LPA: variants seen among roughly 807,000 people sequenced by gnomAD.
LPA encodes lipoprotein(a).
LPA carries 199 observed loss-of-function variants against 197.9 expected under a neutral mutation model. That is an observed-to-expected ratio of 1.01 (90% CI 0.90 to 1.13). The LOEUF is 1.13. Among genes scored for constraint, LPA ranks in the 50% most tolerant of loss-of-function variants. The probability of loss-of-function intolerance (pLI) is 0.00; values close to 1 mark genes in which losing one functional copy is unlikely to be tolerated. For missense variants in LPA, 1,853 were observed against 1,785.8 expected (o/e 1.04, Z -0.68); for synonymous variants, 715 against 639.5 (o/e 1.12, Z -1.78).
intron 30 of LPA, among the ~76,000 whole-genome samples, chr6:160,553,954 T>TGTGTGTGTGTGTGTGTGCGCGC (rs771903485): frequency 6.9e-4 from 90 of 130,798 alleles, no homozygotes; most frequent in Non-Finnish European, 1.1e-3. Flanking sequence ...TGTGTGTGTG[T>TGTGTGTGTGTGTGTGTGCGCGC]GCGCGCGCGC....
chr6:160,576,396 A>ATATATATATATATATATATGTG (rs1778675621), intron 28 of LPA, among the ~76,000 whole-genome samples: 1 of 46,944 alleles, frequency 2.1e-5, no homozygotes, highest in Non-Finnish European at 3.5e-5. Context: ...ATATGTATAT[A>ATATATATATATATATATATGTG]TATATATATA....
chr6:160,591,126 T>C (rs1323920635), intron 22 of LPA, 25 bp from the exon 23 acceptor site: 5 of 1,612,596 alleles, frequency 3.1e-6, no homozygotes, highest in Non-Finnish European at 4.2e-6. Context: ...ACAATACAGT[T>C]CACCAGAGAT....
At chr6:160,581,190 A>C (rs1778788890) in intron 26 of LPA, among the ~76,000 whole-genome samples, 1 of 152,168 alleles carries the variant, frequency 6.6e-6, no homozygotes, top group African/African-American at 2.4e-5. Flanking sequence ...TTCCTCATTA[A>C]ATTGCTTTGC....
chr6:160,551,210 T>C (rs1778161826), intron 30 of LPA, among the ~76,000 whole-genome samples: 1 of 152,232 alleles, frequency 6.6e-6, no homozygotes, highest in Admixed American at 6.5e-5. Context: ...TCAGTTACTG[T>C]GGTGTCTTCT....
chr6:160,589,412 A>C, intron 24 of LPA, 141 bp downstream of exon 24: 2 of 1,003,130 alleles, frequency 2.0e-6, no homozygotes, highest in Non-Finnish European at 3.1e-6. Flanking sequence ...CCTGTGCCCA[A>C]AGCAAGAAGC....
At chr6:160,601,663 C>T (rs552500004) in intron 18 of LPA, among the ~76,000 whole-genome samples, 1 of 152,334 alleles carries the variant, frequency 6.6e-6, no homozygotes, top group Admixed American at 6.5e-5. Context: ...CATGTAAAAC[C>T]ATTGCACAAA....
At chr6:160,604,938 G>A in intron 18 of LPA, 108 bp downstream of exon 18, 2 of 1,521,900 alleles carry the variant, frequency 1.3e-6, no homozygotes, top group East Asian at 2.3e-5. Context: ...GCTATGCACT[G>A]TTCATCTGAG....
chr6:160,559,781 C>T (rs939976652), intron 28 of LPA, among the ~76,000 whole-genome samples: 13 of 152,068 alleles, frequency 8.5e-5, no homozygotes, highest in Admixed American at 8.5e-4. Flanking sequence ...CTTATTCATT[C>T]TGCAGTTCTG....
chr6:160,545,687 T>G (rs1778057720), intron 32 of LPA, among the ~76,000 whole-genome samples, 154 bp from the exon 33 acceptor site: 1 of 152,154 alleles, frequency 6.6e-6, no homozygotes, highest in Non-Finnish European at 1.5e-5. Flanking sequence ...ACAAAGTTAT[T>G]TCTTTCTATG....
chr6:160,602,053 G>T (rs1779251471), intron 18 of LPA, among the ~76,000 whole-genome samples: 1 of 152,160 alleles, frequency 6.6e-6, no homozygotes, highest in South Asian at 2.1e-4. Context: ...TTCGTGACCT[G>T]TGGCTGCCTG....
Position 160,556,094 on chromosome 6 carries a change from C to T in LPA, c.4904G>A (p.Arg1635Lys), listed in dbSNP as rs1778258275. The change falls in exon 30 of 39, where the codon AGG (arginine) becomes AAG (lysine). Residue 1635 changes from arginine to lysine, a missense_variant. Coordinates refer to ENST00000316300, the MANE Select transcript of LPA (RefSeq NM_005577.4). ...RGTFSTTVTG[R>K]TCQSWSSMTP... Reference sequence around the variant, plus strand: ...CATGGATGACCAAGATTGACATGTCCTTCCTGTGACAGTGGTGGAGAATGT... The same window carrying T: ...CATGGATGACCAAGATTGACATGTCTTTCCTGTGACAGTGGTGGAGAATGT... The T allele has an allele frequency of 6.2e-7, 1 of 1,613,878 alleles. No individual in the cohort carries two copies. The highest frequency in any genetic ancestry group is 1.1e-5 in the South Asian group (1 of 91,066).
At position 160,590,943 on chromosome 6, in the gene LPA, C is replaced by A. The variant is rs747762042; in HGVS notation, c.3787+1G>T. On this transcript the variant is annotated splice_donor_variant, in intron 23 of 38. Coordinates refer to ENST00000316300, the MANE Select transcript of LPA (RefSeq NM_005577.4). LOFTEE classifies it high-confidence loss of function. ...TGGTTGTCTGGCCAGAGACTTCTTA[C>A]CTTGTTCAGAAACAGCCGTGGACGT... 1.2e-6 allele frequency: 2 copies of A among 1,613,932 alleles called. No individual in the cohort carries two copies. Among genetic ancestry groups the A allele is most frequent in the Non-Finnish European group, 1.7e-6 (2 of 1,179,868 alleles).
chr6:160,663,521 C>T (rs1780259646), intron 1 of LPA, among the ~76,000 whole-genome samples: 1 of 152,206 alleles, frequency 6.6e-6, no homozygotes, highest in Admixed American at 6.5e-5. Context: ...CACAATCACA[C>T]ACGGTGTGTA....
chr6:160,555,455 A>ATATATATATATATATATATATATATG (rs1287454419), intron 30 of LPA, among the ~76,000 whole-genome samples: 7 of 133,076 alleles, frequency 5.3e-5, no homozygotes, highest in South Asian at 4.9e-4. Context: ...ATATATATAT[A>ATATATATATATATATATATATATATG]TGTGTGTGTA....
intron 30 of LPA, among the ~76,000 whole-genome samples, chr6:160,555,736 T>C (rs1254483258): frequency 6.6e-6 from 1 of 152,042 alleles, no homozygotes; most frequent in Non-Finnish European, 1.5e-5. Context: ...ATGAGCCTTG[T>C]AGAATGGCAC....
intron 28 of LPA, among the ~76,000 whole-genome samples, chr6:160,574,099 T>C (rs1405524032): frequency 2.6e-5 from 4 of 152,166 alleles, no homozygotes; most frequent in Non-Finnish European, 5.9e-5. Context: ...GGGGGTGAAG[T>C]TCCCAGGTCA....
At chr6:160,548,757 G>A (rs541550730) in intron 30 of LPA, 98 bp from the exon 31 acceptor site, 1 of 1,274,322 alleles carries the variant, frequency 7.8e-7, no homozygotes, top group Non-Finnish European at 1.1e-6. Context: ...CTTAACAAGT[G>A]TCTTTGAAAT....
intron 32 of LPA, among the ~76,000 whole-genome samples, chr6:160,547,241 TGGAA>T (rs1469374202): frequency 6.6e-6 from 1 of 152,094 alleles, no homozygotes; most frequent in Admixed American, 6.5e-5. Flanking sequence ...CTGGGGGTGA[TGGAA>T]GCATGACAGA....
At chr6:160,611,095 C>A (rs1479308397) in intron 16 of LPA, among the ~76,000 whole-genome samples, 10 of 152,036 alleles carry the variant, frequency 6.6e-5, no homozygotes, top group African/African-American at 2.4e-4. Context: ...AGATTTTCTC[C>A]CTATTGGAAT....
Sources: allele counts gnomAD v4.1 joint callset (sites outside exome capture counted in the v4.1 genomes callset), GRCh38; gene constraint gnomAD v4.1.1; transcripts MANE v1.5; gene names NCBI Gene and HGNC (gene_info 2026-07-23, HGNC 2026-07-21).